The following IDO2 variants were observed in gnomAD, a reference collection of about 807,000 sequenced individuals.
IDO2 encodes the protein indoleamine 2,3-dioxygenase-like 1 protein.
IDO2 carries 46 observed loss-of-function variants against 45.1 expected under a neutral mutation model. That is an observed-to-expected ratio of 1.02 (90% CI 0.80 to 1.30). IDO2 has a LOEUF of 1.30. IDO2 is among the 50% of genes most tolerant of loss of function. The pLI is 0.00. For missense variants in IDO2, 544 were observed against 491.8 expected, an observed-to-expected ratio of 1.11 and a Z score of -1.00; for synonymous variants, 218 against 184.9, an observed-to-expected ratio of 1.18 and a Z score of -1.45.
rs113437769 is a variant in IDO2 at position 40,012,971 on chromosome 8, T to G, written c.720-594T>G. On this transcript the variant is annotated intron_variant, in intron 9 of 10. Transcript: ENST00000502986. ...AAGGCATCCTCAAAGTCAGGTAACA[T>G]CTGTACGTTATAGATTACAAAGTTG... Among the ~76,000 whole-genome samples the G allele has an allele frequency of 3.5e-3, 536 of 152,344 alleles. 3 individuals are homozygous for G. The highest frequency in any genetic ancestry group is 0.011 in the African/African-American group (471 of 41,578).
rs112843963 is a variant in IDO2 at position 40,005,342 on chromosome 8, A to G, written c.683A>G (p.Asp228Gly). 229 of 1,581,198 alleles carry G rather than the reference A, an allele frequency of 1.4e-4. No individual in the cohort carries two copies. In the African/African-American group the frequency reaches 2.1e-3, roughly 15 times the overall value. The stretch of plus-strand genomic sequence containing the variant: ...GCTTCTCCAGATTATGTAGATCCAG[A>G]CATATTTTATGCAGGCATCCGGATC... The change falls in exon 9 of 11, where the codon GAC becomes GGC. Residue 228 changes from aspartate to glycine, a missense_variant. By Grantham distance (94) the Asp-to-Gly change is moderately conservative. Transcript: ENST00000502986.
chr8:39,959,709 G>C (rs1197669626), intron 2 of IDO2, among the ~76,000 whole-genome samples: 1 of 152,132 alleles, frequency 6.6e-6, no homozygotes, highest in African/African-American at 2.4e-5. Context: ...TGTAATCCCA[G>C]CTACTCTGGA....
At chr8:39,970,655 G>C (rs1009816159) in intron 3 of IDO2, among the ~76,000 whole-genome samples, 2 of 151,928 alleles carry the variant, frequency 1.3e-5, no homozygotes, top group Non-Finnish European at 2.9e-5. Context: ...GCCTCCCAAA[G>C]AGCTGGATTA....
chr8:40,005,032 T>C (rs1203656780), intron 8 of IDO2, among the ~76,000 whole-genome samples: 1 of 152,214 alleles, frequency 6.6e-6, no homozygotes, highest in Non-Finnish European at 1.5e-5. Flanking sequence ...CTGTTTAAAA[T>C]ACGAAATTTT....
rs762218627 is a variant in IDO2 at position 40,005,381 on chromosome 8, A to G, written c.719+3A>G. 1.2e-5 allele frequency: 18 copies of G among 1,559,062 alleles called. No individual in the cohort carries two copies. The highest frequency in any genetic ancestry group is 1.7e-5 in the Admixed American group (1 of 57,650). On this transcript the variant is annotated splice_donor_region_variant and intron_variant, in intron 9 of 10. Coordinates refer to ENST00000502986, the Ensembl canonical transcript of IDO2. ...GGCATCCGGATCTTTCTCTCTGGGT[A>G]AGTATAGTTCAGTTGTTTTCCTGTG...
intron 2 of IDO2, among the ~76,000 whole-genome samples, chr8:39,954,618 C>T (rs1170559654): frequency 6.6e-6 from 1 of 150,666 alleles, no homozygotes; most frequent in East Asian, 1.9e-4. Flanking sequence ...GTCTTTTCTC[C>T]ACTATGCACA....
At chr8:39,944,157 T>G (rs1322533328) in intron 1 of IDO2, among the ~76,000 whole-genome samples, 1 of 152,174 alleles carries the variant, frequency 6.6e-6, no homozygotes, top group African/African-American at 2.4e-5. Flanking sequence ...ACATAAGCAT[T>G]CAAATACATT....
intron 3 of IDO2, among the ~76,000 whole-genome samples, chr8:39,976,373 T>C: frequency 6.6e-6 from 1 of 152,050 alleles, no homozygotes. Flanking sequence ...ATAGATACTC[T>C]CAAGGAGCAA....
chr8:39,964,512 G>A (rs1179127537), intron 3 of IDO2, among the ~76,000 whole-genome samples: 2 of 146,940 alleles, frequency 1.4e-5, no homozygotes, highest in South Asian at 2.1e-4. Flanking sequence ...ACATAATTGC[G>A]GAAGTCCATG....
chr8:39,952,542 C>T (rs138482149), intron 2 of IDO2, among the ~76,000 whole-genome samples: 1 of 152,294 alleles, frequency 6.6e-6, no homozygotes, highest in East Asian at 1.9e-4. Flanking sequence ...ATGTTCAAAC[C>T]TTTCCAAGCT....
chr8:39,964,924 A>C (rs867066697), intron 3 of IDO2, among the ~76,000 whole-genome samples: 13 of 152,238 alleles, frequency 8.5e-5, no homozygotes. Flanking sequence ...GGAGATCCCC[A>C]TGAGTCCCCT....
In IDO2 at chr8:39,982,238, A is replaced by G. The variant is rs28551732; in HGVS notation, c.316-414A>G. ...ATCATCTCTCTCTATATATGTGTGT[A>G]TATATATATATATATGTATATATAT... On this transcript the variant is annotated intron_variant, in intron 4 of 10. Coordinates refer to ENST00000502986, the Ensembl canonical transcript of IDO2. Among the ~76,000 whole-genome samples, 151 of 18,310 alleles carry G rather than the reference A, an allele frequency of 8.2e-3. 2 individuals carry two copies. The East Asian group carries it at 0.21, about 25-fold the overall frequency. The allele number at this position is 18,310 out of a possible 152,430, so 12.0% of individuals were successfully genotyped here.
chr8:39,995,691 T>C (rs1299503469), intron 8 of IDO2, among the ~76,000 whole-genome samples: 1 of 152,240 alleles, frequency 6.6e-6, no homozygotes, highest in Non-Finnish European at 1.5e-5. Context: ...AATATCATTC[T>C]TCATTAGTTT....
At chr8:39,955,250 C>T (rs962001215) in intron 2 of IDO2, among the ~76,000 whole-genome samples, 1 of 102,692 alleles carries the variant, frequency 9.7e-6, no homozygotes, top group African/African-American at 3.1e-5. Flanking sequence ...TTAATATTTG[C>T]CTTTTTTTTT....
chr8:39,982,590 G>T, intron 4 of IDO2, 62 bp from the exon 5 acceptor site: 1 of 1,127,304 alleles, frequency 8.9e-7, no homozygotes, highest in Non-Finnish European at 1.3e-6. Context: ...AGACAACCAT[G>T]GTTATTTCCT....
intron 2 of IDO2, among the ~76,000 whole-genome samples, chr8:39,953,516 G>A (rs1807842299): frequency 6.6e-6 from 1 of 152,094 alleles, no homozygotes; most frequent in Admixed American, 6.6e-5. Context: ...CCCATAAATT[G>A]AAATCTAGTG....
At chr8:39,944,465 A>G (rs1453549031) in intron 1 of IDO2, among the ~76,000 whole-genome samples, 2 of 152,128 alleles carry the variant, frequency 1.3e-5, no homozygotes, top group Non-Finnish European at 2.9e-5. Context: ...CTTAGCTAAG[A>G]GAGCCAGACA....
intron 3 of IDO2, among the ~76,000 whole-genome samples, chr8:39,966,217 C>T (rs373186628): frequency 1.3e-5 from 2 of 151,830 alleles, no homozygotes; most frequent in Admixed American, 6.6e-5. Context: ...GTAGTAGAGA[C>T]GGGGTTTCAC....
At position 40,015,241 on chromosome 8, in the gene IDO2, T is replaced by C. The variant is rs763564115; in HGVS notation, c.869-6T>C. On this transcript the variant is annotated splice_region_variant and splice_polypyrimidine_tract_variant and intron_variant, in intron 10 of 10. Transcript: ENST00000502986. ...CTATGACGTTATGCTGTATTGTTTC[T>C]TTCAGGTGACTTTCTGTACAGAATG... The C allele has an allele frequency of 3.3e-6, 5 of 1,534,574 alleles. No homozygotes were observed. Among genetic ancestry groups the C allele is most frequent in the East Asian group, 2.3e-5 (1 of 44,326 alleles).
Sources: allele counts gnomAD v4.1 joint callset (sites outside exome capture counted in the v4.1 genomes callset), GRCh38; gene constraint gnomAD v4.1.1; transcripts MANE v1.5; gene names NCBI Gene and HGNC (gene_info 2026-07-23, HGNC 2026-07-21).